Variants in TCN2 observed in about 807,000 individuals in gnomAD.
TCN2 encodes the protein transcobalamin 2, also known as transcobalamin-2.
Under a neutral mutation model 48.6 loss-of-function variants are expected in TCN2, and 34 were observed. The ratio of observed to expected loss-of-function variants is 0.70; its 90% confidence interval spans 0.53 to 0.93. The LOEUF (loss-of-function observed/expected upper bound fraction) is 0.93, where lower values mean the gene tolerates loss of function less well. Ranked by LOEUF, TCN2 falls within the 40% of genes least tolerant of loss-of-function variation. TCN2 has a pLI of 0.00. For missense variants in TCN2, 652 were observed against 526.1 expected (o/e 1.24, Z -2.34); for synonymous variants, 283 against 212.5 (o/e 1.33, Z -2.89).
chr22:30,614,880 G>A (rs558858750), intron 4 of TCN2, among the ~76,000 whole-genome samples: 14 of 152,158 alleles, frequency 9.2e-5, no homozygotes, highest in Non-Finnish European at 2.1e-4. Context: ...CTGCCCTCCA[G>A]CCTGGGCAAC....
chr22:30,615,296 T>C lies in TCN2; in HGVS notation c.581-5T>C. 6.2e-7 allele frequency: 1 copy of C among 1,614,144 alleles called. No homozygotes were observed. The highest frequency in any genetic ancestry group is 8.5e-7 in the Non-Finnish European group (1 of 1,180,020). On this transcript the variant is annotated splice_region_variant and splice_polypyrimidine_tract_variant and intron_variant, in intron 4 of 8. Transcript: ENST00000215838. ...CTCATTGCATGTTCTGTCCCCCACT[T>C]CAAGACACAGCAGCCATGGCAGGCT...
rs781309237 is a variant in TCN2 at position 30,612,938 on chromosome 22, A to C, written c.323A>C (p.Tyr108Ser). ...GKPSMGQLAL[Y>S]LLALRANCEF... ...CCTTCCATGGGCCAGCTGGCCCTCT[A>C]CCTGCTCGCTCTCAGAGCCAACTGT... Residue 108 changes from tyrosine (Y) to serine (S), a missense_variant, in exon 3 of 9, where the codon TAC becomes TCC. Coordinates refer to ENST00000215838, the MANE Select transcript of TCN2 (RefSeq NM_000355.4). 3.7e-6 allele frequency: 6 copies of C among 1,614,078 alleles called. No homozygotes were observed. In the Admixed American group the frequency reaches 8.3e-5, roughly 22 times the overall value.
At chr22:30,614,202 C>A (rs2087578608) in intron 3 of TCN2, 147 bp from the exon 4 acceptor site, 1 of 1,063,144 alleles carries the variant, frequency 9.4e-7, no homozygotes, top group Non-Finnish European at 1.4e-6. Context: ...GAGACCTCAG[C>A]ACGTATGGGC....
Position 30,617,567 on chromosome 22 carries a change from G to A in TCN2, c.1106+72G>A, listed in dbSNP as rs753733503. On this transcript the variant is annotated intron_variant, in intron 7 of 8. Transcript: ENST00000215838. ...CTGATAACAGGGTCACAGAAGAGACGGGGAACAGAGGAGAGGGTTCCCTCG... is the reference window on the plus strand; with the variant it reads ...CTGATAACAGGGTCACAGAAGAGACAGGGAACAGAGGAGAGGGTTCCCTCG... The A allele has an allele frequency of 7.9e-5, 127 of 1,599,956 alleles. 1 individual carries two copies. Among genetic ancestry groups the A allele is most frequent in the Non-Finnish European group, 9.0e-5 (105 of 1,170,216 alleles).
rs1569047268 is a variant in TCN2, at chr22:30,624,055, C to CATATATGTATACATATATAT, written c.1222+973_1222+974insTATATGTATACATATATATA. ...ATGTATACATATATACACACACACA[C>CATATATGTATACATATATAT]ACACACATATATATATATATATATA... is the stretch of plus-strand genomic sequence containing the variant. On this transcript the variant is annotated intron_variant, in intron 8 of 8. Coordinates refer to ENST00000215838, the MANE Select transcript of TCN2 (RefSeq NM_000355.4). 1.1e-4 allele frequency among the ~76,000 whole-genome samples: 2 copies of CATATATGTATACATATATAT among 17,424 alleles called. 1 individual carries two copies. The highest frequency in any genetic ancestry group is 1.5e-3 in the East Asian group (2 of 1,330). The allele number at this position is 17,424 out of a possible 152,430, so 11.4% of individuals were successfully genotyped here. A position where few individuals can be genotyped will look rare whatever the true frequency, so the allele number is the denominator to read the frequency against.
In TCN2 at chr22:30,615,435, C is replaced by T. The variant is rs2087598350; in HGVS notation, c.715C>T (p.His239Tyr). 6.2e-7 allele frequency: 1 copy of T among 1,614,180 alleles called. No individual in the cohort carries two copies. The highest frequency in any genetic ancestry group is 1.1e-5 in the South Asian group (1 of 91,080). Residue 239 changes from histidine to tyrosine, a missense_variant, in exon 5 of 9, where the codon CAC becomes TAC. By Grantham distance (83) the His-to-Tyr change is moderately conservative (BLOSUM62 2). Transcript: ENST00000215838. Reference protein sequence around the residue: ...EILKAQTPEGHFGNVYSTPLA... With the variant: ...EILKAQTPEGYFGNVYSTPLA... ...CTTGAAGGCCCAGACCCCCGAGGGC[C>T]ACTTTGGGAATGTCTACAGCACCCC...
chr22:30,607,837 G>C (rs2087475740), intron 1 of TCN2, among the ~76,000 whole-genome samples: 1 of 151,940 alleles, frequency 6.6e-6, no homozygotes, highest in Admixed American at 6.6e-5. Context: ...GGTCAGCCTG[G>C]GCAACATAGG....
chr22:30,607,228 C>A lies in TCN2; in HGVS notation c.-104C>A. On this transcript the variant is annotated 5_prime_UTR_variant, in exon 1 of 9. Transcript: ENST00000215838. ...AGGATTAATCAGTGACAGGAAGCTG[C>A]GTCTCTCGGAGCGGTGACCAGCTGT... is the stretch of plus-strand genomic sequence containing the variant. 1 of 1,218,618 alleles carries A rather than the reference C, an allele frequency of 8.2e-7. No homozygotes were observed. The allele number at this position is 1,218,618 out of a possible 1,614,324, so 75.5% of individuals were successfully genotyped here. A position where few individuals can be genotyped will look rare whatever the true frequency, so the allele number is the denominator to read the frequency against.
Position 30,615,626 on chromosome 22 carries a change from G to C in TCN2, c.779G>C (p.Gly260Ala). 3 of 1,614,086 alleles carry C rather than the reference G, an allele frequency of 1.9e-6. No individual in the cohort carries two copies. Among genetic ancestry groups the C allele is most frequent in the Non-Finnish European group, 2.5e-6 (3 of 1,180,014 alleles). The change falls in exon 6 of 9, where the codon GGG becomes GCG. Residue 260 changes from glycine to alanine, a missense_variant. Transcript: ENST00000215838. ...TTCCTCATGACTTCCCCCATGCGTG[G>C]GGCAGAACTGGGAACAGCATGTCTC... ...LQFLMTSPMR[G>A]AELGTACLKA...
intron 8 of TCN2, among the ~76,000 whole-genome samples, chr22:30,626,150 G>A (rs1214718833): frequency 6.6e-6 from 1 of 152,142 alleles, no homozygotes; most frequent in Non-Finnish European, 1.5e-5. Flanking sequence ...AGACTTCTGC[G>A]TGGTCCTGGT....
intron 8 of TCN2, among the ~76,000 whole-genome samples, chr22:30,623,993 CACACATATATATGTATACATATAT>C (rs1481736149): frequency 1.5e-4 from 13 of 87,390 alleles, no homozygotes; most frequent in South Asian, 3.2e-4. Context: ...TACATATATA[CACACATATATATGTATACATATAT>C]ACACACATAT....
Position 30,623,014 on chromosome 22 carries a change from A to T in TCN2, c.1153A>T (p.Met385Leu), listed in dbSNP as rs375436976. The T allele has an allele frequency of 1.2e-6, 2 of 1,613,882 alleles. No individual in the cohort carries two copies. Among genetic ancestry groups the T allele is most frequent in the African/African-American group, 2.7e-5 (2 of 74,846 alleles). The change falls in exon 8 of 9, where the codon ATG becomes TTG. Residue 385 changes from methionine (M) to leucine (L), a missense_variant. Met to Leu is a conservative substitution (Grantham distance 15). Transcript: ENST00000215838. The part of the protein sequence containing the change: ...SLSGPYLTSV[M>L]GKAAGEREFW... The stretch of plus-strand genomic sequence containing the variant: ...GTCAGGCCCCTACTTAACCTCCGTG[A>T]TGGGGAAAGCGGCCGGAGAAAGGGA...
rs368425204 is a variant in TCN2 at position 30,615,440 on chromosome 22, T to G, written c.720T>G (p.Phe240Leu). The G allele has an allele frequency of 3.1e-6, 5 of 1,613,944 alleles. No individual in the cohort carries two copies. The African/African-American group carries it at 6.7e-5, about 22-fold the overall frequency. ...ILKAQTPEGH[F>L]GNVYSTPLAL... ...AGGCCCAGACCCCCGAGGGCCACTT[T>G]GGGAATGTCTACAGCACCCCATTGG... is the stretch of plus-strand genomic sequence containing the variant. Residue 240 changes from phenylalanine to leucine, a missense_variant, in exon 5 of 9, where the codon TTT becomes TTG. Phe to Leu is a conservative substitution (Grantham distance 22, BLOSUM62 0). Transcript: ENST00000215838.
intron 1 of TCN2, among the ~76,000 whole-genome samples, chr22:30,609,415 C>T (rs544863022): frequency 1.3e-5 from 2 of 152,272 alleles, no homozygotes; most frequent in South Asian, 2.1e-4. Flanking sequence ...TGCCTGGCCC[C>T]TTCCTTCTAA....
At chr22:30,612,751 T>G in intron 2 of TCN2, 122 bp from the exon 3 acceptor site, 5 of 1,249,032 alleles carry the variant, frequency 4.0e-6, no homozygotes, top group South Asian at 1.3e-5. Flanking sequence ...CTTTTGGAGC[T>G]TTTATCAAAG....
chr22:30,607,606 C>A (rs1422703746), intron 1 of TCN2, among the ~76,000 whole-genome samples: 2 of 152,218 alleles, frequency 1.3e-5, no homozygotes, highest in Non-Finnish European at 2.9e-5. Flanking sequence ...CATTCGTTCA[C>A]ACATTCATTC....
intron 8 of TCN2, among the ~76,000 whole-genome samples, chr22:30,624,973 T>A (rs191742722): frequency 6.6e-6 from 1 of 152,120 alleles, no homozygotes; most frequent in Non-Finnish European, 1.5e-5. Context: ...TTCCAGCACT[T>A]TGGGAGGCCA....
At position 30,615,575 on chromosome 22, in the gene TCN2, C is replaced by G. The variant is rs72550760; in HGVS notation, c.754-26C>G. ...GCCCCTCCCTGCCGGCTGACTTCCT[C>G]TCTCTCTTCCTCACTCTATCACCAG... On this transcript the variant is annotated intron_variant, in intron 5 of 8. Transcript: ENST00000215838. The G allele has an allele frequency of 8.7e-6, 14 of 1,614,040 alleles. 1 individual carries two copies. Among genetic ancestry groups the G allele is most frequent in the Middle Eastern group, 1.6e-4 (1 of 6,062 alleles).
At chr22:30,620,030 A>C (rs1331037941) in intron 7 of TCN2, among the ~76,000 whole-genome samples, 4 of 152,060 alleles carry the variant, frequency 2.6e-5, no homozygotes, top group African/African-American at 9.7e-5. Context: ...GATGGTGTGC[A>C]CCTATAATCC....
Sources: gnomAD v4.1 joint callset for allele counts (sites outside exome capture counted in the v4.1 genomes callset) on GRCh38, gnomAD v4.1.1 for gene constraint, MANE v1.5 for transcripts, NCBI Gene and HGNC (gene_info 2026-07-23, HGNC 2026-07-21) for gene names.